Variants in NAALADL2 observed in about 807,000 individuals in gnomAD.
NAALADL2 encodes the protein inactive N-acetylated-alpha-linked acidic dipeptidase-like protein 2.
Under a neutral mutation model 87.2 loss-of-function variants are expected in NAALADL2, and 76 were observed. That is an observed-to-expected ratio of 0.87 (90% CI 0.72 to 1.05). The LOEUF (loss-of-function observed/expected upper bound fraction) is 1.05, where lower values mean the gene tolerates loss of function less well. Among genes scored for constraint, NAALADL2 ranks in the 50% least tolerant of loss-of-function variants. The pLI is 0.00. For missense variants in NAALADL2, 1,089 were observed against 945.8 expected (o/e 1.15, Z -1.99); for synonymous variants, 354 against 331.0 (o/e 1.07, Z -0.75).
intron 11 of NAALADL2, among the ~76,000 whole-genome samples, chr3:175,727,710 C>A (rs755988632): frequency 4.6e-5 from 7 of 152,236 alleles, no homozygotes; most frequent in Non-Finnish European, 8.8e-5. Flanking sequence ...TTAGAGATTC[C>A]ATGACAATTT....
intron 3 of NAALADL2, among the ~76,000 whole-genome samples, chr3:174,853,406 A>G (rs969791001): frequency 6.7e-6 from 1 of 150,092 alleles, no homozygotes; most frequent in African/African-American, 2.4e-5. Context: ...ATAGATTTAC[A>G]CCTAAGACCT....
At chr3:175,327,828 A>C (rs972850954) in intron 5 of NAALADL2, among the ~76,000 whole-genome samples, 2 of 152,210 alleles carry the variant, frequency 1.3e-5, no homozygotes, top group Admixed American at 6.5e-5. Context: ...AGTCTATGTG[A>C]ATCCAATTTT....
intron 5 of NAALADL2, among the ~76,000 whole-genome samples, chr3:175,424,900 T>TA (rs1716518935): frequency 6.6e-6 from 1 of 152,172 alleles, no homozygotes; most frequent in Non-Finnish European, 1.5e-5. Context: ...CAATTTTAAA[T>TA]AGACACCTGA....
intron 1 of NAALADL2, among the ~76,000 whole-genome samples, chr3:174,993,095 A>G (rs572571177): frequency 3.9e-5 from 6 of 152,164 alleles, no homozygotes; most frequent in South Asian, 4.1e-4. Flanking sequence ...AGAAAAATCA[A>G]TATCTGGGGT....
chr3:174,783,356 C>T (rs1369868623), intron 3 of NAALADL2, among the ~76,000 whole-genome samples: 2 of 151,996 alleles, frequency 1.3e-5, no homozygotes, highest in East Asian at 1.9e-4. Flanking sequence ...AAGCGTATCC[C>T]GATGAAGATG....
rs1460324081 is a variant in NAALADL2 at position 175,256,331 on chromosome 3, A to C, written c.820-80A>C. On this transcript the variant is annotated intron_variant, in intron 3 of 13. Transcript: ENST00000454872. ...TGAACATTTCAAATTATGATGAATA[A>C]TTTTGTTATACTAAATGGACAATTG... 3 of 1,314,340 alleles carry C rather than the reference A, an allele frequency of 2.3e-6. No homozygotes were observed. In the African/African-American group the frequency reaches 4.4e-5, roughly 19 times the overall value. The allele number at this position is 1,314,340 out of a possible 1,614,324, so 81.4% of individuals were successfully genotyped here. A position where few individuals can be genotyped will look rare whatever the true frequency, so the allele number is the denominator to read the frequency against.
At chr3:175,703,668 G>T (rs951295111) in intron 11 of NAALADL2, among the ~76,000 whole-genome samples, 1 of 152,052 alleles carries the variant, frequency 6.6e-6, no homozygotes, top group African/African-American at 2.4e-5. Context: ...GCTTGAACCT[G>T]GGAGGCAGAG....
chr3:175,471,785 T>A, intron 9 of NAALADL2, 27 bp downstream of exon 9: 1 of 1,566,972 alleles, frequency 6.4e-7, no homozygotes, highest in Non-Finnish European at 8.6e-7. Context: ...TTGTATCAAA[T>A]GATTATGCAA....
At chr3:175,018,683 A>G (rs934218857) in intron 1 of NAALADL2, among the ~76,000 whole-genome samples, 13 of 152,014 alleles carry the variant, frequency 8.6e-5, no homozygotes, top group African/African-American at 1.2e-4. Flanking sequence ...ATGGCATTCA[A>G]CGTATTAAAA....
At chr3:175,480,231 G>A (rs9860589) in intron 9 of NAALADL2, among the ~76,000 whole-genome samples, 91,222 of 151,528 alleles carry the variant, frequency 0.6, 29,501 homozygotes, top group East Asian at 0.89. Context: ...AAATCTACAA[G>A]CCATATACGA....
At chr3:175,553,557 A>G (rs1377529174) in intron 9 of NAALADL2, among the ~76,000 whole-genome samples, 1 of 151,664 alleles carries the variant, frequency 6.6e-6, no homozygotes, top group African/African-American at 2.4e-5. Flanking sequence ...TTAATTACAT[A>G]TTGCTTTGGA....
intron 3 of NAALADL2, among the ~76,000 whole-genome samples, chr3:174,828,739 T>G (rs1722281231): frequency 6.6e-6 from 1 of 152,168 alleles, no homozygotes; most frequent in African/African-American, 2.4e-5. Flanking sequence ...ATTTACATGT[T>G]ATAAACCTAC....
intron 2 of NAALADL2, among the ~76,000 whole-genome samples, chr3:174,586,060 G>A (rs1366273757): frequency 1.3e-5 from 2 of 152,146 alleles, no homozygotes; most frequent in East Asian, 3.9e-4. Flanking sequence ...ACAGGTATTA[G>A]CAAAATTATT....
chr3:174,908,529 G>A (rs1340398485), intron 1 of NAALADL2, among the ~76,000 whole-genome samples: 3 of 152,066 alleles, frequency 2.0e-5, no homozygotes, highest in African/African-American at 7.2e-5. Flanking sequence ...TTCAAAGTGG[G>A]TTGAATTTTA....
At chr3:175,747,712 A>G (rs1424058340) in intron 12 of NAALADL2, among the ~76,000 whole-genome samples, 21 of 152,068 alleles carry the variant, frequency 1.4e-4, no homozygotes, top group Admixed American at 1.4e-3. Flanking sequence ...TAAATATACA[A>G]TTTCAACTTT....
Position 175,807,443 on chromosome 3 carries a change from T to G in NAALADL2, c.*4240T>G, listed in dbSNP as rs1754807752. The stretch of plus-strand genomic sequence containing the variant: ...TTGGTAGACCTAGCCAAAAATGTTC[T>G]CATGAGACATTCTGTGATATGTGTA... On this transcript the variant is annotated 3_prime_UTR_variant, in exon 14 of 14. Transcript: ENST00000454872. 1 of 151,932 alleles carries G rather than the reference T, an allele frequency of 6.6e-6. No homozygotes were observed. Among genetic ancestry groups the G allele is most frequent in the Non-Finnish European group, 1.5e-5 (1 of 67,884 alleles). The allele number at this position is 151,932 out of a possible 1,614,324, so 9.4% of individuals were successfully genotyped here. A position where few individuals can be genotyped will look rare whatever the true frequency, so the allele number is the denominator to read the frequency against.
At chr3:174,956,029 C>T (rs568386200) in intron 1 of NAALADL2, among the ~76,000 whole-genome samples, 1 of 152,072 alleles carries the variant, frequency 6.6e-6, no homozygotes, top group South Asian at 2.1e-4. Context: ...AGATTATTGC[C>T]CAGTGATGAT....
chr3:174,615,679 C>T (rs561096089), intron 2 of NAALADL2, among the ~76,000 whole-genome samples: 1 of 151,966 alleles, frequency 6.6e-6, no homozygotes, highest in Non-Finnish European at 1.5e-5. Context: ...TTTTCTCTCG[C>T]TCTCCCTCTT....
chr3:175,396,170 G>A (rs886125557), intron 5 of NAALADL2, among the ~76,000 whole-genome samples: 2 of 152,098 alleles, frequency 1.3e-5, no homozygotes, highest in African/African-American at 2.4e-5. Flanking sequence ...TATATAGTAT[G>A]AAAGATGAAT....
Sources: gnomAD v4.1 joint callset for allele counts (sites outside exome capture counted in the v4.1 genomes callset) on GRCh38, gnomAD v4.1.1 for gene constraint, MANE v1.5 for transcripts, NCBI Gene and HGNC (gene_info 2026-07-23, HGNC 2026-07-21) for gene names.